Variants in ZSWIM7 observed in about 807,000 individuals in gnomAD.
ZSWIM7 encodes the protein zinc finger SWIM domain-containing protein 7.
Under a neutral mutation model 21.1 loss-of-function variants are expected in ZSWIM7, and 22 were observed. The ratio of observed to expected loss-of-function variants is 1.04; its 90% CI spans 0.74 to 1.49. The LOEUF (loss-of-function observed/expected upper bound fraction) is 1.49. Among genes scored for constraint, ZSWIM7 ranks in the 40% most tolerant of loss-of-function variants. The pLI is 0.00. For synonymous variants in ZSWIM7, 67 were observed against 66.5 expected (o/e 1.01, Z -0.04); for missense variants, 193 against 168.0 (o/e 1.15, Z -0.82).
Position 15,999,693 on chromosome 17 carries a change from G to A in ZSWIM7, c.-99C>T, listed in dbSNP as rs1480024233. On this transcript the variant is annotated 5_prime_UTR_variant, in exon 1 of 5. Coordinates refer to ENST00000399277, the MANE Select transcript of ZSWIM7 (RefSeq NM_001042697.2). Reference sequence around the variant, plus strand: ...GATCCTGACCCCCCGCCGGGGCAGGGCGAGACGGAGTGACGTCGGGGCGCG... The same window carrying A: ...GATCCTGACCCCCCGCCGGGGCAGGACGAGACGGAGTGACGTCGGGGCGCG... The A allele has an allele frequency of 1.9e-6, 3 of 1,554,210 alleles. No homozygotes were observed. The highest frequency in any genetic ancestry group is 2.4e-5 in the East Asian group (1 of 41,672).
intron 2 of ZSWIM7, among the ~76,000 whole-genome samples, chr17:15,988,880 C>G (rs992832741): frequency 6.6e-6 from 1 of 151,824 alleles, no homozygotes; most frequent in South Asian, 2.1e-4. Flanking sequence ...ATTAGCCGGG[C>G]GTGGTGGCAC....
rs1162754396 is a variant in ZSWIM7, at chr17:15,977,246, C to A, written c.*801G>T. 6.6e-6 allele frequency: 1 copy of A among 152,190 alleles called. No individual in the cohort carries two copies. The highest frequency in any genetic ancestry group is 1.5e-5 in the Non-Finnish European group (1 of 68,058). 9.4% of individuals were successfully genotyped at this position (152,190 alleles called of 1,614,324 possible). Reference sequence around the variant, plus strand: ...CCAGAACCTCTAAGTCTTTTCATACCTGCTACTGTTTAGCCACATCTCTGC... The same window carrying A: ...CCAGAACCTCTAAGTCTTTTCATACATGCTACTGTTTAGCCACATCTCTGC... On this transcript the variant is annotated 3_prime_UTR_variant, in exon 5 of 5. Coordinates refer to ENST00000399277, the MANE Select transcript of ZSWIM7 (RefSeq NM_001042697.2).
rs559973182 is a variant in ZSWIM7 at position 15,992,877 on chromosome 17, T to G, written c.98+880A>C. 1.2e-3 allele frequency among the ~76,000 whole-genome samples: 189 copies of G among 152,278 alleles called. 3 individuals carry two copies. The highest frequency in any genetic ancestry group is 2.1e-4 in the Non-Finnish European group (14 of 68,018). ...TTATTCCTAGTTTCTAAGAGTATTT[T>G]TTATTTTTTATTTTTTTTGAGATGG... On this transcript the variant is annotated intron_variant, in intron 2 of 4. Coordinates refer to ENST00000399277, the MANE Select transcript of ZSWIM7 (RefSeq NM_001042697.2).
intron 2 of ZSWIM7, 141 bp downstream of exon 2, chr17:15,993,616 T>C (rs1717979349): frequency 9.9e-6 from 6 of 603,194 alleles, no homozygotes; most frequent in African/African-American, 1.9e-5. Context: ...TCCACTCACC[T>C]TGGCCTCCCA....
intron 3 of ZSWIM7, among the ~76,000 whole-genome samples, chr17:15,982,744 C>T (rs1436998051): frequency 3.3e-5 from 5 of 152,156 alleles, no homozygotes; most frequent in African/African-American, 4.8e-5. Context: ...TTGAATCCCT[C>T]GGCTAAAGTG....
intron 1 of ZSWIM7, among the ~76,000 whole-genome samples, chr17:15,996,031 CAAAT>C (rs1455198311): frequency 6.6e-6 from 1 of 152,090 alleles, no homozygotes; most frequent in Non-Finnish European, 1.5e-5. Context: ...TTATTTCCAA[CAAAT>C]AATTCAATAC....
At position 15,977,270 on chromosome 17, in the gene ZSWIM7, G is replaced by A. The variant is rs569893630; in HGVS notation, c.*777C>T. On this transcript the variant is annotated 3_prime_UTR_variant, in exon 5 of 5. Transcript: ENST00000399277. ...CCTGCTACTGTTTAGCCACATCTCT[G>A]CTCTGATCTTCTGTTGCTGCTCAAT... 2.6e-4 allele frequency: 39 copies of A among 152,276 alleles called. No individual in the cohort carries two copies. The highest frequency in any genetic ancestry group is 7.7e-4 in the African/African-American group (32 of 41,544). The allele number at this position is 152,276 out of a possible 1,614,324, so 9.4% of individuals were successfully genotyped here.
In ZSWIM7 at chr17:15,999,503, G is replaced by A. The variant is rs1449449941; in HGVS notation, c.76+16C>T. ...CCGCGCCCATGGCGCAGCCACACACGACCTCGGTCCCGTACTTCGCGCGCT... is the reference window on the plus strand; with the variant it reads ...CCGCGCCCATGGCGCAGCCACACACAACCTCGGTCCCGTACTTCGCGCGCT... On this transcript the variant is annotated intron_variant, in intron 1 of 4. Coordinates refer to ENST00000399277, the MANE Select transcript of ZSWIM7 (RefSeq NM_001042697.2). 1 of 1,596,814 alleles carries A rather than the reference G, an allele frequency of 6.3e-7. No homozygotes were observed. The highest frequency in any genetic ancestry group is 1.1e-5 in the South Asian group (1 of 90,546).
chr17:15,995,171 G>A (rs1970534075), intron 1 of ZSWIM7, among the ~76,000 whole-genome samples: 2 of 152,090 alleles, frequency 1.3e-5, no homozygotes, highest in South Asian at 4.1e-4. Context: ...TACATGGTAT[G>A]TCTCTGTAGT....
chr17:15,989,538 G>T (rs796891907), intron 2 of ZSWIM7, among the ~76,000 whole-genome samples: 5 of 152,218 alleles, frequency 3.3e-5, no homozygotes, highest in African/African-American at 1.2e-4. Flanking sequence ...GGGTGGTCTT[G>T]AACTCCTGAC....
intron 4 of ZSWIM7, among the ~76,000 whole-genome samples, chr17:15,980,008 G>A (rs1265458397): frequency 2.8e-5 from 4 of 144,596 alleles, no homozygotes; most frequent in Non-Finnish European, 4.6e-5. Flanking sequence ...CTCATCTCCC[G>A]GACGAGGCGG....
intron 3 of ZSWIM7, among the ~76,000 whole-genome samples, chr17:15,986,100 A>G (rs1463217578): frequency 1.3e-5 from 2 of 152,106 alleles, no homozygotes; most frequent in East Asian, 3.9e-4. Context: ...CTGGAGTGCA[A>G]TGGTGCGATC....
intron 3 of ZSWIM7, among the ~76,000 whole-genome samples, chr17:15,982,311 C>A (rs56060666): frequency 0.15 from 23,412 of 152,110 alleles, 3,908 homozygotes; most frequent in African/African-American, 0.42. Context: ...TAACTTCCCA[C>A]CTGGAGGCGT....
chr17:15,987,387 T>TCTA lies in ZSWIM7; in HGVS notation c.99-20_99-19insTAG. 1 of 1,604,964 alleles carries TCTA rather than the reference T, an allele frequency of 6.2e-7. No homozygotes were observed. Among genetic ancestry groups the TCTA allele is most frequent in the Non-Finnish European group, 8.5e-7 (1 of 1,174,020 alleles). ...CTTCAGCCTGTGAAATAAAAACACT[T>TCTA]CAGATTAGAAGGCCTGATTCTCAAA... On this transcript the variant is annotated intron_variant, in intron 2 of 4. Coordinates refer to ENST00000399277, the MANE Select transcript of ZSWIM7 (RefSeq NM_001042697.2).
intron 2 of ZSWIM7, among the ~76,000 whole-genome samples, chr17:15,993,352 A>T (rs556987605): frequency 1.6e-3 from 69 of 41,836 alleles, no homozygotes; most frequent in African/African-American, 4.4e-3. Flanking sequence ...TTTTTATTTT[A>T]TTTATTTATT....
At chr17:15,986,985 T>C (rs1970419846) in intron 3 of ZSWIM7, 2 of 213,682 alleles carry the variant, frequency 9.4e-6, no homozygotes, top group Non-Finnish European at 1.8e-5. Context: ...AAAAGAAGTA[T>C]ATAAGGTATT....
At chr17:15,985,351 A>G (rs374983467) in intron 3 of ZSWIM7, among the ~76,000 whole-genome samples, 86 of 152,218 alleles carry the variant, frequency 5.6e-4, no homozygotes, top group African/African-American at 1.8e-3. Flanking sequence ...TGTCAGCAAC[A>G]TAACAATGAC....
chr17:15,977,695 C>T lies in ZSWIM7; in HGVS notation c.*352G>A, dbSNP rs374779641. 6.9e-6 allele frequency: 1 copy of T among 145,788 alleles called. No homozygotes were observed. The highest frequency in any genetic ancestry group is 1.7e-4 in the East Asian group (1 of 5,816). The allele number at this position is 145,788 out of a possible 1,614,324, so 9.0% of individuals were successfully genotyped here. A position where few individuals can be genotyped will look rare whatever the true frequency, so the allele number is the denominator to read the frequency against. On this transcript the variant is annotated 3_prime_UTR_variant, in exon 5 of 5. Coordinates refer to ENST00000399277, the MANE Select transcript of ZSWIM7 (RefSeq NM_001042697.2). ...CCCCAGCCTGGGCGACAAAGTGAGA[C>T]TCCATCTCAAAAGAAAAAAAAAAAG...
chr17:15,981,173 C>G, intron 3 of ZSWIM7, 29 bp from the exon 4 acceptor site: 1 of 1,563,738 alleles, frequency 6.4e-7, no homozygotes, highest in South Asian at 1.1e-5. Flanking sequence ...TGGGATCAGA[C>G]CTCAGATGTG....
Sources: allele counts gnomAD v4.1 joint callset (sites outside exome capture counted in the v4.1 genomes callset), GRCh38; gene constraint gnomAD v4.1.1; transcripts MANE v1.5; gene names NCBI Gene and HGNC (gene_info 2026-07-23, HGNC 2026-07-21).